GRID2: variants seen among roughly 807,000 people sequenced by gnomAD.
GRID2 encodes the protein glutamate ionotropic receptor delta type subunit 2.
In GRID2, 33 loss-of-function variants were observed where a neutral mutation model predicts 114.8. That is an observed-to-expected ratio of 0.29 (90% CI 0.22 to 0.38). GRID2 has a LOEUF of 0.38. Ranked by LOEUF, GRID2 falls within the 10% of genes least tolerant of loss-of-function variation. GRID2 has a pLI of 1.00. For missense variants in GRID2, 1,184 were observed against 1,257.7 expected (o/e 0.94, Z 0.89); for synonymous variants, 505 against 449.9 (o/e 1.12, Z -1.55).
chr4:93,741,976 A>T (rs963981899), intron 14 of GRID2, among the ~76,000 whole-genome samples: 2 of 151,686 alleles, frequency 1.3e-5, no homozygotes, highest in Non-Finnish European at 2.9e-5. Context: ...GTGTGGGTGT[A>T]TAACAGACAC....
intron 2 of GRID2, among the ~76,000 whole-genome samples, chr4:93,003,420 A>T (rs1052056008): frequency 6.6e-6 from 1 of 152,020 alleles, no homozygotes; most frequent in Non-Finnish European, 1.5e-5. Context: ...ACTGCTTTAT[A>T]TCTTTTTCTG....
chr4:93,158,002 A>G (rs1279919762), intron 4 of GRID2, among the ~76,000 whole-genome samples: 3 of 151,886 alleles, frequency 2.0e-5, no homozygotes, highest in Admixed American at 2.0e-4. Flanking sequence ...TTGCACATGT[A>G]GTGTTATTTT....
chr4:93,281,151 C>T (rs892072944), intron 8 of GRID2, among the ~76,000 whole-genome samples: 5 of 150,960 alleles, frequency 3.3e-5, no homozygotes, highest in Non-Finnish European at 7.4e-5. Flanking sequence ...CATGGGGGCA[C>T]GAGGGGAGTG....
At chr4:92,750,367 C>T in intron 2 of GRID2, among the ~76,000 whole-genome samples, 1 of 152,206 alleles carries the variant, frequency 6.6e-6, no homozygotes. Context: ...GCCTATTCTA[C>T]TTTCGCTAAG....
At chr4:92,584,167 A>G (rs1728314092) in intron 1 of GRID2, among the ~76,000 whole-genome samples, 1 of 152,084 alleles carries the variant, frequency 6.6e-6, no homozygotes, top group East Asian at 1.9e-4. Flanking sequence ...TGAGGGTAAC[A>G]TGAATGAGAC....
rs1464515363 is a variant in GRID2, at chr4:92,328,071, C to A, written c.88+23327C>A. On this transcript the variant is annotated intron_variant, in intron 1 of 15. Transcript: ENST00000282020. ...AAATGCTCATTCATTTGAAAAGGGG[C>A]TATATAAGATAGAGACAGGGAGAAA... Among the ~76,000 whole-genome samples, 93 of 152,010 alleles carry A rather than the reference C, an allele frequency of 6.1e-4. No individual in the cohort carries two copies. The Middle Eastern group carries it at 0.01, about 17-fold the overall frequency.
rs574816003 is a variant in GRID2, at chr4:92,560,630, C to T, written c.89-29501C>T. On this transcript the variant is annotated intron_variant, in intron 1 of 15. Coordinates refer to ENST00000282020, the MANE Select transcript of GRID2 (RefSeq NM_001510.4). ...AGATCCATTTATCTGCCTGGAACAT[C>T]CTCTCATTTCTCATTTATCTCACTT... Among the ~76,000 whole-genome samples the T allele has an allele frequency of 6.5e-4, 66 of 101,702 alleles. 1 individual carries two copies. The South Asian group carries it at 0.016, about 25-fold the overall frequency. The allele number at this position is 101,702 out of a possible 152,430, so 66.7% of individuals were successfully genotyped here. A position where few individuals can be genotyped will look rare whatever the true frequency, so the allele number is the denominator to read the frequency against.
chr4:92,499,521 C>T (rs1000911814), intron 1 of GRID2, among the ~76,000 whole-genome samples: 14 of 152,198 alleles, frequency 9.2e-5, no homozygotes, highest in African/African-American at 3.4e-4. Context: ...TATTATTCAG[C>T]AGAAATAAAA....
At chr4:93,629,207 G>T (rs962393838) in intron 14 of GRID2, among the ~76,000 whole-genome samples, 1 of 152,174 alleles carries the variant, frequency 6.6e-6, no homozygotes, top group African/African-American at 2.4e-5. Flanking sequence ...CTCAGAAAAT[G>T]TACTCTAGTG....
At chr4:93,690,807 C>T (rs745747944) in intron 14 of GRID2, among the ~76,000 whole-genome samples, 140 of 150,798 alleles carry the variant, frequency 9.3e-4, no homozygotes, top group Non-Finnish European at 1.5e-3. Flanking sequence ...ATAATCATTC[C>T]AATATAATGA....
chr4:93,125,639 C>A (rs1193994462), intron 4 of GRID2, among the ~76,000 whole-genome samples: 2 of 151,856 alleles, frequency 1.3e-5, no homozygotes, highest in African/African-American at 4.8e-5. Flanking sequence ...TTTTTTTTAA[C>A]CGTGATTCTT....
At chr4:92,570,102 A>G (rs1228632274) in intron 1 of GRID2, among the ~76,000 whole-genome samples, 1 of 152,098 alleles carries the variant, frequency 6.6e-6, no homozygotes, top group African/African-American at 2.4e-5. Flanking sequence ...CTTTACATTT[A>G]AACATTTAAT....
chr4:92,904,207 T>G (rs1271848240), intron 2 of GRID2, among the ~76,000 whole-genome samples: 2 of 151,346 alleles, frequency 1.3e-5, no homozygotes, highest in African/African-American at 2.4e-5. Flanking sequence ...TTTTCAAAAT[T>G]TTTTCTTCAT....
intron 13 of GRID2, among the ~76,000 whole-genome samples, chr4:93,589,342 G>A (rs1049458165): frequency 6.6e-6 from 1 of 151,262 alleles, no homozygotes; most frequent in African/African-American, 2.4e-5. Flanking sequence ...TGAGAATGAT[G>A]GTTTCCAATT....
At chr4:93,235,762 C>T (rs926894746) in intron 7 of GRID2, among the ~76,000 whole-genome samples, 1 of 151,910 alleles carries the variant, frequency 6.6e-6, no homozygotes, top group African/African-American at 2.4e-5. Flanking sequence ...TGCAAGTCCC[C>T]CAATTTATTG....
chr4:93,386,511 G>C (rs1764326296), intron 8 of GRID2, among the ~76,000 whole-genome samples: 1 of 152,134 alleles, frequency 6.6e-6, no homozygotes, highest in African/African-American at 2.4e-5. Context: ...TATTCAGTAA[G>C]ACAACAAGCC....
intron 12 of GRID2, among the ~76,000 whole-genome samples, chr4:93,502,715 CCCACACACACACGCACACCA>C (rs1267206039): frequency 8.5e-6 from 1 of 117,164 alleles, no homozygotes; most frequent in African/African-American, 3.5e-5. Context: ...ACTCCCCCCC[CCCACACACACACGCACACCA>C]CACACACACA....
intron 8 of GRID2, among the ~76,000 whole-genome samples, chr4:93,380,042 A>G (rs1763710969): frequency 6.6e-6 from 1 of 152,116 alleles, no homozygotes; most frequent in Non-Finnish European, 1.5e-5. Flanking sequence ...GAAAAACAAA[A>G]AGTATGTCCA....
chr4:92,777,050 G>A (rs1337956529), intron 2 of GRID2, among the ~76,000 whole-genome samples: 2 of 151,734 alleles, frequency 1.3e-5, no homozygotes, highest in East Asian at 3.9e-4. Flanking sequence ...TCTCAGTGTG[G>A]AAGTAAGTCC....
Sources: gnomAD v4.1 joint callset for allele counts (sites outside exome capture counted in the v4.1 genomes callset) on GRCh38, gnomAD v4.1.1 for gene constraint, MANE v1.5 for transcripts, NCBI Gene and HGNC (gene_info 2026-07-23, HGNC 2026-07-21) for gene names.